Variants in ADGRV1 observed in about 807,000 individuals in gnomAD.
The protein encoded by ADGRV1 is adhesion G protein-coupled receptor V1.
Under a neutral mutation model 596.2 loss-of-function variants are expected in ADGRV1, and 359 were observed. The observed-to-expected ratio is 0.60, with a 90% confidence interval of 0.55 to 0.66. The LOEUF (loss-of-function observed/expected upper bound fraction) is 0.66. Among genes scored for constraint, ADGRV1 ranks in the 30% least tolerant of loss-of-function variants. The probability of loss-of-function intolerance (pLI) is 0.00; values close to 1 mark genes in which losing one functional copy is unlikely to be tolerated. For synonymous variants in ADGRV1, 2,681 were observed against 2,679.2 expected, an observed-to-expected ratio of 1.00 and a Z score of -0.02; for missense variants, 7,274 against 7,575.6, an observed-to-expected ratio of 0.96 and a Z score of 1.48.
At chr5:90,759,687 C>A in intron 58 of ADGRV1, 99 bp downstream of exon 58, 2 of 1,063,316 alleles carry the variant, frequency 1.9e-6, no homozygotes, top group Non-Finnish European at 2.8e-6. Context: ...AAGTCTTGGC[C>A]AGGCATGGTG....
rs1765370718 is a variant in ADGRV1, at chr5:90,840,943, C to T, written c.16977C>T (p.Asn5659=). Residue 5659 remains asparagine, a synonymous_variant, in exon 78 of 90, where the codon AAC becomes AAT. Transcript: ENST00000405460. ...HTISMKVATE[N]TDEQLSAMMH... Reference sequence around the variant, plus strand: ...TCAGCATGAAAGTGGCCACAGAAAACACAGATGAACAACTCAGTGCCATGA... The same window carrying T: ...TCAGCATGAAAGTGGCCACAGAAAATACAGATGAACAACTCAGTGCCATGA... The T allele has an allele frequency of 1.3e-6, 2 of 1,494,700 alleles. No homozygotes were observed. The highest frequency in any genetic ancestry group is 1.8e-6 in the Non-Finnish European group (2 of 1,119,496). The allele number at this position is 1,494,700 out of a possible 1,614,324, so 92.6% of individuals were successfully genotyped here. A position where few individuals can be genotyped will look rare whatever the true frequency, so the allele number is the denominator to read the frequency against.
chr5:91,082,557 G>A (rs1241281717), intron 86 of ADGRV1, among the ~76,000 whole-genome samples: 1 of 152,058 alleles, frequency 6.6e-6, no homozygotes, highest in East Asian at 1.9e-4. Flanking sequence ...GATGACCGAA[G>A]TCTTCCATTC....
intron 1 of ADGRV1, among the ~76,000 whole-genome samples, chr5:90,593,594 TATA>T (rs1328715613): frequency 1.8e-4 from 27 of 152,216 alleles, no homozygotes; most frequent in Non-Finnish European, 2.2e-4. Context: ...GAACTTAAAG[TATA>T]ATAATAATTT....
At position 90,730,971 on chromosome 5, in the gene ADGRV1, C is replaced by T. The variant is rs139477621; in HGVS notation, c.10549+1207C>T. Among the ~76,000 whole-genome samples the T allele has an allele frequency of 5.8e-4, 89 of 152,232 alleles. 3 individuals are homozygous for T. The East Asian group carries it at 0.016, about 27-fold the overall frequency. On this transcript the variant is annotated intron_variant, in intron 50 of 89. Transcript: ENST00000405460. Reference sequence around the variant, plus strand: ...TGATATTATATGTAAGTCAATGTTACCATGCTATGAAGAATTCCTCTACTT... The same window carrying T: ...TGATATTATATGTAAGTCAATGTTATCATGCTATGAAGAATTCCTCTACTT...
At chr5:90,778,301 A>G (rs1758470693) in intron 62 of ADGRV1, 126 bp from the exon 63 acceptor site, 1 of 856,676 alleles carries the variant, frequency 1.2e-6, no homozygotes, top group African/African-American at 1.7e-5. Flanking sequence ...GTGCCTGTGT[A>G]TGGGATTAAG....
intron 11 of ADGRV1, among the ~76,000 whole-genome samples, chr5:90,641,330 T>G (rs1363769925): frequency 2.6e-5 from 4 of 152,208 alleles, no homozygotes; most frequent in Admixed American, 1.3e-4. Flanking sequence ...ATTGCTTATA[T>G]CTCAGAGCCG....
In ADGRV1 at chr5:91,075,662, G is replaced by A. The variant is rs1788790342; in HGVS notation, c.18310+3058G>A. 2.0e-5 allele frequency among the ~76,000 whole-genome samples: 3 copies of A among 152,176 alleles called. 1 individual carries two copies. The South Asian group carries it at 6.2e-4, about 32-fold the overall frequency. ...TTTATTCTAATAGTCATTATACTTG[G>A]ACTTCCACAGCAGTTTTCTGATTGG... On this transcript the variant is annotated intron_variant, in intron 86 of 89. Transcript: ENST00000405460.
At chr5:90,693,700 T>G (rs189399904) in intron 32 of ADGRV1, among the ~76,000 whole-genome samples, 190 bp from the exon 33 acceptor site, 301 of 152,290 alleles carry the variant, frequency 2.0e-3, no homozygotes, top group Middle Eastern at 3.4e-3. Flanking sequence ...TGATTGAAAA[T>G]TAGCAAGGTT....
Position 90,706,326 on chromosome 5 carries a change from C to G in ADGRV1, c.8662C>G (p.Pro2888Ala). 2 of 1,613,084 alleles carry G rather than the reference C, an allele frequency of 1.2e-6. No individual in the cohort carries two copies. Among genetic ancestry groups the G allele is most frequent in the Non-Finnish European group, 1.7e-6 (2 of 1,179,464 alleles). The change falls in exon 38 of 90, where the codon CCT (proline) becomes GCT (alanine). Residue 2888 changes from proline to alanine, a missense_variant. Pro to Ala is a conservative substitution (Grantham distance 27, BLOSUM62 -1). Coordinates refer to ENST00000405460, the MANE Select transcript of ADGRV1 (RefSeq NM_032119.4). ...AGCAGAGCCAGAAGTTGATTTTGTC[C>G]CTATCATTGGCTTTCTGATTTTAGA... is the stretch of plus-strand genomic sequence containing the variant. ...NLAEPEVDFV[P>A]IIGFLILEEG...
At chr5:90,956,944 T>C (rs932096389) in intron 83 of ADGRV1, among the ~76,000 whole-genome samples, 1 of 152,036 alleles carries the variant, frequency 6.6e-6, no homozygotes, top group African/African-American at 2.4e-5. Context: ...ATTGACAGAA[T>C]ATTCCTGACA....
At chr5:90,740,582 T>C (rs1753833464) in intron 50 of ADGRV1, among the ~76,000 whole-genome samples, 1 of 152,164 alleles carries the variant, frequency 6.6e-6, no homozygotes, top group African/African-American at 2.4e-5. Context: ...TGGGTATTCT[T>C]TCTGGTGGTG....
intron 83 of ADGRV1, among the ~76,000 whole-genome samples, chr5:90,923,359 C>A (rs1774071973): frequency 1.3e-5 from 2 of 151,846 alleles, no homozygotes; most frequent in Admixed American, 1.3e-4. Flanking sequence ...AAAATCCACA[C>A]AATTTAGAAA....
At chr5:90,641,807 T>C (rs1339069912) in intron 11 of ADGRV1, among the ~76,000 whole-genome samples, 2 of 152,200 alleles carry the variant, frequency 1.3e-5, no homozygotes, top group Non-Finnish European at 2.9e-5. Context: ...GCAGGATTGA[T>C]AATTCTTAAG....
intron 87 of ADGRV1, among the ~76,000 whole-genome samples, chr5:91,105,868 G>A (rs144220535): frequency 6.6e-6 from 1 of 151,424 alleles, no homozygotes; most frequent in African/African-American, 2.4e-5. Context: ...TAGAACATTG[G>A]TCTAGGGAAA....
At position 90,990,314 on chromosome 5, in the gene ADGRV1, A is replaced by T. The variant is rs559694902; in HGVS notation, c.18152+4792A>T. ...GACTCACAACCCTTCATAAATCCTAAGATTGTACTAATTATACTATATTGA... is the reference window on the plus strand; with the variant it reads ...GACTCACAACCCTTCATAAATCCTATGATTGTACTAATTATACTATATTGA... On this transcript the variant is annotated intron_variant, in intron 85 of 89. Transcript: ENST00000405460. Among the ~76,000 whole-genome samples the T allele has an allele frequency of 2.6e-5, 4 of 152,290 alleles. No individual in the cohort carries two copies. In the East Asian group the frequency reaches 7.7e-4, roughly 29 times the overall value.
intron 76 of ADGRV1, among the ~76,000 whole-genome samples, chr5:90,825,301 G>GA (rs1347036166): frequency 1.3e-5 from 2 of 152,088 alleles, no homozygotes; most frequent in African/African-American, 4.8e-5. Flanking sequence ...TGCCTCCCAT[G>GA]AAACCTCTAG....
At chr5:90,685,679 A>G (rs908581657) in intron 28 of ADGRV1, 101 bp from the exon 29 acceptor site, 8 of 561,124 alleles carry the variant, frequency 1.4e-5, no homozygotes, top group Admixed American at 8.4e-5. Flanking sequence ...TGAGAATCCT[A>G]TTTGGCTGAT....
chr5:91,026,757 GAATT>G (rs1201767975), intron 85 of ADGRV1, among the ~76,000 whole-genome samples: 1 of 152,054 alleles, frequency 6.6e-6, no homozygotes, highest in Non-Finnish European at 1.5e-5. Flanking sequence ...AAATAAGTAA[GAATT>G]AATGTCTTCG....
At chr5:90,955,122 G>C (rs1777358821) in intron 83 of ADGRV1, among the ~76,000 whole-genome samples, 1 of 152,060 alleles carries the variant, frequency 6.6e-6, no homozygotes, top group Admixed American at 6.6e-5. Flanking sequence ...CAGGAAGTGG[G>C]TCCTCACCAG....
Sources: gnomAD v4.1 joint callset for allele counts (sites outside exome capture counted in the v4.1 genomes callset) on GRCh38, gnomAD v4.1.1 for gene constraint, MANE v1.5 for transcripts, NCBI Gene and HGNC (gene_info 2026-07-23, HGNC 2026-07-21) for gene names.